NWD1: variants seen among roughly 807,000 people sequenced by gnomAD.
NWD1 encodes NACHT domain- and WD repeat-containing protein 1.
A neutral mutation model predicts 135.1 loss-of-function variants in NWD1; 129 were observed. The ratio of observed to expected loss-of-function variants is 0.96; its 90% confidence interval spans 0.83 to 1.11. The LOEUF (loss-of-function observed/expected upper bound fraction) is 1.11, where lower values mean the gene tolerates loss of function less well. NWD1 is among the 50% of genes least tolerant of loss of function. The pLI is 0.00. For synonymous variants in NWD1, 773 were observed against 786.0 expected (o/e 0.98, Z 0.28); for missense variants, 1,740 against 1,851.3 (o/e 0.94, Z 1.10).
chr19:16,747,300 G>C (rs1235086073), intron 5 of NWD1, among the ~76,000 whole-genome samples: 1 of 151,326 alleles, frequency 6.6e-6, no homozygotes, highest in Non-Finnish European at 1.5e-5. Flanking sequence ...CTCCCAAAGT[G>C]CTGGGATTAC....
chr19:16,784,927 G>A (rs1223481246), intron 12 of NWD1, among the ~76,000 whole-genome samples: 2 of 150,622 alleles, frequency 1.3e-5, no homozygotes, highest in Non-Finnish European at 3.0e-5. Flanking sequence ...GTGAGACTCC[G>A]TCTCCAAAAA....
At position 16,750,278 on chromosome 19, in the gene NWD1, T is replaced by C; in HGVS notation, c.1636T>C (p.Trp546Arg). The C allele has an allele frequency of 3.1e-6, 5 of 1,613,556 alleles. No homozygotes were observed. Among genetic ancestry groups the C allele is most frequent in the African/African-American group, 1.3e-5 (1 of 75,012 alleles). ...GCTGGCGTTTGAGGAAGCCCGGAAA[T>C]GGGCCTCTTTCACCGTGCCTGTCCC... ...LRLAFEEARK[W>R]ASFTVPVPLA... Residue 546 changes from tryptophan to arginine, a missense_variant, in exon 6 of 19, where the codon TGG becomes CGG. Physicochemically the swap from Trp to Arg is moderately radical, Grantham distance 101. Transcript: ENST00000524140.
intron 14 of NWD1, among the ~76,000 whole-genome samples, chr19:16,792,443 G>A (rs55652146): frequency 0.11 from 17,113 of 151,620 alleles, 1,325 homozygotes; most frequent in Non-Finnish European, 0.18. Context: ...TTGGGAGGCC[G>A]GGGCAGGTGG....
Position 16,759,362 on chromosome 19 carries a change from G to C in NWD1, c.1907G>C (p.Arg636Pro), listed in dbSNP as rs1196694107. ...FPPLLWVRLR[R>P]DLGYYLARRP... The stretch of plus-strand genomic sequence containing the variant: ...CCCCTGCTGTGGGTGCGGCTTCGTC[G>C]GGATCTGGGATACTACTTGGCCCGG... Residue 636 changes from arginine (R) to proline (P), a missense_variant, in exon 7 of 19, where the codon CGG (arginine) becomes CCG (proline). By Grantham distance (103) the Arg-to-Pro change is moderately radical (BLOSUM62 -2). Coordinates refer to ENST00000524140, the MANE Select transcript of NWD1 (RefSeq NM_001007525.5). 9.9e-6 allele frequency: 16 copies of C among 1,611,576 alleles called. No individual in the cohort carries two copies. The Admixed American group carries it at 1.0e-4, about 10-fold the overall frequency.
rs749398259 is a variant in NWD1, at chr19:16,749,985, C to T, written c.1343C>T (p.Ala448Val). 5.0e-6 allele frequency: 8 copies of T among 1,613,890 alleles called. No individual in the cohort carries two copies. The highest frequency in any genetic ancestry group is 6.8e-6 in the Non-Finnish European group (8 of 1,180,012). Residue 448 changes from alanine (A) to valine (V), a missense_variant, in exon 6 of 19, where the codon GCT (alanine) becomes GTT (valine). Ala to Val is a moderately conservative substitution (Grantham distance 64, BLOSUM62 0). Coordinates refer to ENST00000524140, the MANE Select transcript of NWD1 (RefSeq NM_001007525.5). ...GATGACCTGGACTCTGTCCGCCATG[C>T]TCGGAGGGTTCCCTGGCTGCCTCTC... ...AMDDLDSVRH[A>V]RRVPWLPLNC...
rs775336975 is a variant in NWD1, at chr19:16,749,932, GTC to G, written c.1295_1296del (p.Leu432ArgfsTer9). 6.2e-6 allele frequency: 10 copies of G among 1,613,554 alleles called. No homozygotes were observed. In the African/African-American group the frequency reaches 1.3e-4, roughly 22 times the overall value. ...LHTVSCRNFESLVLLLDAMDD... is the reference protein window; with the variant it reads ...LHTVSCRNFEXLVLLLDAMDD... ...ACACTGTCTCTTGCAGAAACTTCGA[GTC>G]TCTCGTGCTCCTGCTGGATGCTATG... On this transcript the variant is annotated frameshift_variant, in exon 6 of 19. Coordinates refer to ENST00000524140, the MANE Select transcript of NWD1 (RefSeq NM_001007525.5). LOFTEE classifies it high-confidence loss of function.
chr19:16,813,566 T>A (rs1970987628), intron 18 of NWD1, among the ~76,000 whole-genome samples: 1 of 152,092 alleles, frequency 6.6e-6, no homozygotes, highest in South Asian at 2.1e-4. Flanking sequence ...AGTCTCTGCC[T>A]CCCAGGTTCA....
chr19:16,733,087 G>T (rs1472138539), intron 3 of NWD1, among the ~76,000 whole-genome samples: 1 of 152,066 alleles, frequency 6.6e-6, no homozygotes, highest in Non-Finnish European at 1.5e-5. Flanking sequence ...TGGGTGTGGT[G>T]ACGCCCACCT....
At chr19:16,731,689 T>C (rs8101218) in intron 3 of NWD1, among the ~76,000 whole-genome samples, 83,405 of 146,386 alleles carry the variant, frequency 0.57, 24,195 homozygotes, top group African/African-American at 0.64. Flanking sequence ...ACTGCAACCT[T>C]GGCCTCCAGG....
chr19:16,758,326 G>C (rs957060378), intron 6 of NWD1, among the ~76,000 whole-genome samples: 20 of 152,042 alleles, frequency 1.3e-4, no homozygotes, highest in Non-Finnish European at 2.8e-4. Context: ...GCCCAGTCTG[G>C]AGTGCAGTGA....
chr19:16,813,420 G>A (rs1303414285), intron 18 of NWD1, among the ~76,000 whole-genome samples: 1 of 152,024 alleles, frequency 6.6e-6, no homozygotes, highest in Non-Finnish European at 1.5e-5. Flanking sequence ...CTTGGATGTG[G>A]GTCTTATTTC....
chr19:16,740,247 T>A (rs1968024899), intron 4 of NWD1, among the ~76,000 whole-genome samples: 1 of 152,018 alleles, frequency 6.6e-6, no homozygotes, highest in Non-Finnish European at 1.5e-5. Flanking sequence ...GGCAGTGAAC[T>A]ATGATTGTAC....
chr19:16,754,247 A>G (rs1354227029), intron 6 of NWD1, among the ~76,000 whole-genome samples: 1 of 139,094 alleles, frequency 7.2e-6, no homozygotes, highest in Non-Finnish European at 1.5e-5. Context: ...CATCATCTCC[A>G]TCTTCCATCC....
At position 16,763,802 on chromosome 19, in the gene NWD1, C is replaced by T. The variant is rs768433688; in HGVS notation, c.2134-26C>T. Reference sequence around the variant, plus strand: ...GTGAATGAATGGGTTTGTGTCCAAGCTGCAGTCTCCCTTCTCCTCTGCCAG... The same window carrying T: ...GTGAATGAATGGGTTTGTGTCCAAGTTGCAGTCTCCCTTCTCCTCTGCCAG... On this transcript the variant is annotated intron_variant, in intron 8 of 18. Transcript: ENST00000524140. 28 of 1,418,384 alleles carry T rather than the reference C, an allele frequency of 2.0e-5. No homozygotes were observed. In the Admixed American group the frequency reaches 4.7e-4, roughly 24 times the overall value. The allele number at this position is 1,418,384 out of a possible 1,614,324, so 87.9% of individuals were successfully genotyped here.
chr19:16,746,607 C>T (rs1222877156), intron 5 of NWD1, among the ~76,000 whole-genome samples: 2 of 151,156 alleles, frequency 1.3e-5, no homozygotes, highest in South Asian at 2.1e-4. Flanking sequence ...CGGGAGGCAG[C>T]GGTTGTAGTG....
At chr19:16,807,386 G>C (rs1393235357) in intron 17 of NWD1, among the ~76,000 whole-genome samples, 200 bp from the exon 18 acceptor site, 1 of 151,940 alleles carries the variant, frequency 6.6e-6, no homozygotes, top group Non-Finnish European at 1.5e-5. Context: ...CCAGCTACTC[G>C]GGAGGCTGCG....
chr19:16,744,371 T>C (rs1172436609), intron 4 of NWD1, 50 bp from the exon 5 acceptor site: 1 of 1,503,084 alleles, frequency 6.7e-7, no homozygotes, highest in Non-Finnish European at 8.9e-7. Context: ...AGCAAGACCT[T>C]GTCTGAAGAA....
At chr19:16,801,658 G>A (rs2123107894) in intron 17 of NWD1, 1 of 152,334 alleles carries the variant, frequency 6.6e-6, no homozygotes, top group Non-Finnish European at 1.5e-5. Flanking sequence ...AGAAGTTGCA[G>A]TGAGCTGAGA....
At chr19:16,751,575 T>C (rs927201903) in intron 6 of NWD1, among the ~76,000 whole-genome samples, 3 of 149,180 alleles carry the variant, frequency 2.0e-5, no homozygotes, top group Non-Finnish European at 4.4e-5. Flanking sequence ...CCAAGGCAGG[T>C]GGATCACTTG....
Sources: allele counts gnomAD v4.1 joint callset (sites outside exome capture counted in the v4.1 genomes callset), GRCh38; gene constraint gnomAD v4.1.1; transcripts MANE v1.5; gene names NCBI Gene and HGNC (gene_info 2026-07-23, HGNC 2026-07-21).